Variants in RANBP2 observed in about 807,000 individuals in gnomAD.
RANBP2 encodes RAN binding protein 2.
Under a neutral mutation model 303.6 loss-of-function variants are expected in RANBP2, and 57 were observed. The ratio of observed to expected loss-of-function variants is 0.19; its 90% CI spans 0.15 to 0.23. The LOEUF (loss-of-function observed/expected upper bound fraction) is 0.23, where lower values mean the gene tolerates loss of function less well. Ranked by LOEUF, RANBP2 falls within the 10% of genes least tolerant of loss-of-function variation. The pLI is 1.00. For synonymous variants in RANBP2, 1,167 were observed against 1,301.5 expected (o/e 0.90, Z 2.23); for missense variants, 3,138 against 3,780.8 (o/e 0.83, Z 4.46).
the RANBP2 span, among the ~76,000 whole-genome samples, chr2:109,199,078 G>T: frequency 6.6e-6 from 1 of 152,038 alleles, no homozygotes; most frequent in Non-Finnish European, 1.5e-5. Flanking sequence ...GGTCTTGGGG[G>T]TCCAGGCATG....
At chr2:109,212,465 G>A in the RANBP2 span, among the ~76,000 whole-genome samples, 1 of 152,198 alleles carries the variant, frequency 6.6e-6, no homozygotes, top group African/African-American at 2.4e-5. Flanking sequence ...GAATTTGTTA[G>A]CAACCATCCT....
intron 1 of RANBP2, among the ~76,000 whole-genome samples, chr2:108,726,311 C>T (rs1185694187): frequency 6.6e-6 from 1 of 152,096 alleles, no homozygotes; most frequent in Non-Finnish European, 1.5e-5. Context: ...TATTGCAGTG[C>T]TTGTGTTCAA....
the RANBP2 span, among the ~76,000 whole-genome samples, chr2:109,367,381 A>G: frequency 6.6e-6 from 1 of 152,170 alleles, no homozygotes; most frequent in African/African-American, 2.4e-5. Flanking sequence ...TCCTGGGTTC[A>G]AGCAATTCTC....
chr2:109,711,063 T>G, the RANBP2 span, among the ~76,000 whole-genome samples: 1 of 151,826 alleles, frequency 6.6e-6, no homozygotes, highest in Non-Finnish European at 1.5e-5. Flanking sequence ...TGGTGACACA[T>G]TTGCGTAGGT....
chr2:109,628,680 T>C, the RANBP2 span, among the ~76,000 whole-genome samples: 1 of 152,132 alleles, frequency 6.6e-6, no homozygotes, highest in African/African-American at 2.4e-5. Flanking sequence ...TTCTCAAAGC[T>C]CTCTGCTTGC....
downstream of RANBP2, among the ~76,000 whole-genome samples, chr2:108,787,824 T>C (rs895057511): frequency 2.0e-5 from 3 of 152,082 alleles, no homozygotes; most frequent in African/African-American, 7.2e-5. Flanking sequence ...GAGCATGAGA[T>C]GAGTGATGTG....
chr2:109,095,679 T>G, the RANBP2 span, among the ~76,000 whole-genome samples: 3 of 151,996 alleles, frequency 2.0e-5, no homozygotes, highest in Admixed American at 2.0e-4. Context: ...ACAACAGGGG[T>G]TTCTTAGAAA....
At chr2:109,616,246 C>T in the RANBP2 span, 11 of 1,007,502 alleles carry the variant, frequency 1.1e-5, no homozygotes, top group East Asian at 2.2e-4. Context: ...ATGTCTTTTT[C>T]AGAGATTCAT....
At chr2:109,250,346 A>G in the RANBP2 span, among the ~76,000 whole-genome samples, 1 of 152,172 alleles carries the variant, frequency 6.6e-6, no homozygotes, top group African/African-American at 2.4e-5. Flanking sequence ...ACAAGCTAAC[A>G]GTCTCCATCA....
At chr2:109,441,983 G>T in the RANBP2 span, among the ~76,000 whole-genome samples, 2,269 of 149,326 alleles carry the variant, frequency 0.015, 35 homozygotes, top group Middle Eastern at 0.065. Flanking sequence ...GAATTATTCA[G>T]AAATAGTAAA....
the RANBP2 span, among the ~76,000 whole-genome samples, chr2:108,806,698 C>T: frequency 2.0e-5 from 3 of 152,160 alleles, no homozygotes; most frequent in East Asian, 1.9e-4. Flanking sequence ...TTAGCCAGCT[C>T]CTGGCTAGAT....
the RANBP2 span, among the ~76,000 whole-genome samples, chr2:109,044,308 C>T: frequency 6.6e-6 from 1 of 152,048 alleles, no homozygotes; most frequent in East Asian, 1.9e-4. Context: ...ATCATGAGGT[C>T]AAGAGATTGA....
chr2:109,109,365 A>T, the RANBP2 span, among the ~76,000 whole-genome samples: 1 of 152,252 alleles, frequency 6.6e-6, no homozygotes, highest in Non-Finnish European at 1.5e-5. Flanking sequence ...GGCAGGGCCC[A>T]GCCGACCTGG....
At chr2:108,901,512 AAG>A in the RANBP2 span, among the ~76,000 whole-genome samples, 11 of 152,212 alleles carry the variant, frequency 7.2e-5, no homozygotes, top group Non-Finnish European at 1.2e-4. Context: ...TATAAAGTAA[AAG>A]AGATCAATAT....
At chr2:109,620,698 T>C in the RANBP2 span, among the ~76,000 whole-genome samples, 7,086 of 151,408 alleles carry the variant, frequency 0.047, 623 homozygotes, top group East Asian at 0.24. Flanking sequence ...CGACTCTGTC[T>C]CAAAAAAAAA....
chr2:109,740,439 A>G, the RANBP2 span, among the ~76,000 whole-genome samples: 1 of 152,220 alleles, frequency 6.6e-6, no homozygotes, highest in Non-Finnish European at 1.5e-5. Context: ...AATCATAGGG[A>G]TATAGTTAAA....
the RANBP2 span, among the ~76,000 whole-genome samples, chr2:109,044,934 G>A: frequency 2.6e-5 from 4 of 152,170 alleles, no homozygotes; most frequent in Non-Finnish European, 4.4e-5. Context: ...TAAAGTCTTC[G>A]TAAGGATTAT....
the RANBP2 span, among the ~76,000 whole-genome samples, chr2:108,976,746 A>C: frequency 6.6e-6 from 1 of 152,120 alleles, no homozygotes; most frequent in Non-Finnish European, 1.5e-5. Flanking sequence ...AGCTATGGTG[A>C]CTGGGAGCTC....
chr2:109,379,238 T>C, the RANBP2 span, among the ~76,000 whole-genome samples: 1 of 152,204 alleles, frequency 6.6e-6, no homozygotes, highest in African/African-American at 2.4e-5. Context: ...AGTGATGCTT[T>C]AGGAATTTTG....
Sources: allele counts gnomAD v4.1 joint callset (sites outside exome capture counted in the v4.1 genomes callset), GRCh38; gene constraint gnomAD v4.1.1; transcripts MANE v1.5; gene names NCBI Gene and HGNC (gene_info 2026-07-23, HGNC 2026-07-21).